Variants in ASTN2 observed in about 807,000 individuals in gnomAD.
ASTN2 encodes the protein astrotactin 2, also known as astrotactin-2.
A neutral mutation model predicts 139.8 loss-of-function variants in ASTN2; 54 were observed. That is an observed-to-expected ratio of 0.39 (90% CI 0.31 to 0.48). ASTN2 has a LOEUF of 0.48. Ranked by LOEUF, ASTN2 falls within the 20% of genes least tolerant of loss-of-function variation. The pLI, the probability that ASTN2 is intolerant of heterozygous loss-of-function variation, is 0.95. For missense variants in ASTN2, 1,565 were observed against 1,725.1 expected (o/e 0.91, Z 1.64); for synonymous variants, 756 against 719.5 (o/e 1.05, Z -0.81).
chr9:117,291,190 T>C, intron 2 of ASTN2, 136 bp downstream of exon 2: 1 of 1,131,696 alleles, frequency 8.8e-7, no homozygotes, highest in Non-Finnish European at 1.3e-6. Flanking sequence ...ATCCATCTGA[T>C]TTTCTGTTTC....
At position 117,058,460 on chromosome 9, in the gene ASTN2, A is replaced by C. The variant is rs75009997; in HGVS notation, c.1277-18495T>G. Among the ~76,000 whole-genome samples, 15 of 152,354 alleles carry C rather than the reference A, an allele frequency of 9.8e-5. No homozygotes were observed. In the East Asian group the frequency reaches 2.9e-3, roughly 29 times the overall value. ...AATATTATCATTTCATATTTACATC[A>C]AACCTATGGAGTTATAGTTACTATG... is the stretch of plus-strand genomic sequence containing the variant. On this transcript the variant is annotated intron_variant, in intron 5 of 22. Transcript: ENST00000313400.
At chr9:116,585,073 T>C (rs1469636091) in intron 19 of ASTN2, 1 of 152,186 alleles carries the variant, frequency 6.6e-6, no homozygotes, top group Admixed American at 6.5e-5. Flanking sequence ...ATCTAGACTA[T>C]GGTCTATAAG....
chr9:116,845,139 G>T (rs1176951914), intron 11 of ASTN2, among the ~76,000 whole-genome samples: 1 of 152,104 alleles, frequency 6.6e-6, no homozygotes, highest in African/African-American at 2.4e-5. Context: ...TTTTGAGACG[G>T]AGTCTCACTG....
intron 1 of ASTN2, among the ~76,000 whole-genome samples, chr9:117,349,388 G>A (rs995678167): frequency 6.6e-6 from 1 of 152,164 alleles, no homozygotes; most frequent in Admixed American, 6.5e-5. Flanking sequence ...CTTCGAACTT[G>A]TTGAGAATCT....
chr9:116,446,272 TAG>T (rs3040241), intron 20 of ASTN2, among the ~76,000 whole-genome samples: 30,004 of 119,244 alleles, frequency 0.25, 3,388 homozygotes, highest in Middle Eastern at 0.34. Flanking sequence ...GAGAGAGAGA[TAG>T]AGAGAGAGAG....
chr9:116,623,454 G>A (rs1588100280), intron 17 of ASTN2, among the ~76,000 whole-genome samples: 1 of 152,072 alleles, frequency 6.6e-6, no homozygotes, highest in South Asian at 2.1e-4. Context: ...TCCTCATAAG[G>A]CTGCAGAAGC....
At chr9:116,836,241 C>T (rs540017228) in intron 11 of ASTN2, among the ~76,000 whole-genome samples, 16 of 150,836 alleles carry the variant, frequency 1.1e-4, no homozygotes, top group South Asian at 2.1e-4. Context: ...AATGCTGGTC[C>T]GTGGTGAATG....
At chr9:117,401,828 C>A (rs1830835532) in intron 1 of ASTN2, among the ~76,000 whole-genome samples, 2 of 152,118 alleles carry the variant, frequency 1.3e-5, no homozygotes, top group South Asian at 2.1e-4. Context: ...TTATTCTTCT[C>A]TTGACTTTTT....
chr9:117,281,812 G>A (rs1416693929), intron 2 of ASTN2, among the ~76,000 whole-genome samples: 1 of 152,036 alleles, frequency 6.6e-6, no homozygotes, highest in Non-Finnish European at 1.5e-5. Context: ...CCCTGCCATG[G>A]CCTCTTCTCA....
intron 11 of ASTN2, among the ~76,000 whole-genome samples, chr9:116,854,339 G>A (rs2132326859): frequency 6.6e-6 from 1 of 152,330 alleles, no homozygotes; most frequent in East Asian, 1.9e-4. Context: ...TTCTCAGTTA[G>A]TCCTAACAGC....
intron 17 of ASTN2, among the ~76,000 whole-genome samples, chr9:116,632,631 G>A (rs1339094790): frequency 6.6e-6 from 1 of 152,166 alleles, no homozygotes; most frequent in Non-Finnish European, 1.5e-5. Context: ...GGACCAGGGA[G>A]GCAACAAACT....
Position 117,267,264 on chromosome 9 carries a change from C to T in ASTN2, c.630+24062G>A, listed in dbSNP as rs111936098. Among the ~76,000 whole-genome samples, 411 of 152,206 alleles carry T rather than the reference C, an allele frequency of 2.7e-3. 2 individuals are homozygous for T. The highest frequency in any genetic ancestry group is 9.2e-3 in the African/African-American group (382 of 41,536). Reference sequence around the variant, plus strand: ...CAAAGAAAGGCTGAGGAGGAGGAGACCATGGAGACATGAGAGCTAAATATG... The same window carrying T: ...CAAAGAAAGGCTGAGGAGGAGGAGATCATGGAGACATGAGAGCTAAATATG... On this transcript the variant is annotated intron_variant, in intron 2 of 22. Coordinates refer to ENST00000313400, the MANE Select transcript of ASTN2 (RefSeq NM_001365068.1).
chr9:116,761,216 T>C (rs760096812), intron 13 of ASTN2, among the ~76,000 whole-genome samples: 4 of 152,212 alleles, frequency 2.6e-5, no homozygotes, highest in East Asian at 1.9e-4. Flanking sequence ...CTGATTGCTA[T>C]TGTGTCCCAG....
chr9:116,892,243 G>A (rs955014046), intron 10 of ASTN2, among the ~76,000 whole-genome samples: 3 of 152,044 alleles, frequency 2.0e-5, no homozygotes, highest in Non-Finnish European at 4.4e-5. Context: ...CTACTTTATT[G>A]CAATTCTTCA....
At chr9:116,432,524 A>T (rs1182851370) in intron 22 of ASTN2, among the ~76,000 whole-genome samples, 1 of 152,200 alleles carries the variant, frequency 6.6e-6, no homozygotes, top group African/African-American at 2.4e-5. Context: ...CAGGATATTA[A>T]ATGAAATATA....
intron 1 of ASTN2, among the ~76,000 whole-genome samples, chr9:117,395,026 A>C (rs1004444971): frequency 2.3e-4 from 35 of 152,294 alleles, no homozygotes; most frequent in African/African-American, 8.2e-4. Flanking sequence ...AAGAGCTGCT[A>C]CTGGATTACA....
intron 7 of ASTN2, among the ~76,000 whole-genome samples, chr9:117,005,281 G>T (rs1309754748): frequency 2.0e-5 from 3 of 151,306 alleles, no homozygotes; most frequent in Admixed American, 1.3e-4. Flanking sequence ...AGTAGACAGG[G>T]TTTCACCATG....
At chr9:116,479,740 T>C (rs926604979) in intron 20 of ASTN2, among the ~76,000 whole-genome samples, 65 of 152,312 alleles carry the variant, frequency 4.3e-4, no homozygotes, top group Non-Finnish European at 6.9e-4. Flanking sequence ...AGCTTTTGTG[T>C]GACAACTAAA....
At chr9:116,609,379 G>GTATATATATATATATATATATATATATA (rs56938236) in intron 19 of ASTN2, among the ~76,000 whole-genome samples, 7 of 116,724 alleles carry the variant, frequency 6.0e-5, no homozygotes, top group African/African-American at 9.7e-5. Context: ...ATATATGGGT[G>GTATATATATATATATATATATATATATA]TATATATATA....
Sources: allele counts gnomAD v4.1 joint callset (sites outside exome capture counted in the v4.1 genomes callset), GRCh38; gene constraint gnomAD v4.1.1; transcripts MANE v1.5; gene names NCBI Gene and HGNC (gene_info 2026-07-23, HGNC 2026-07-21).